Variants in ARHGAP44 observed in about 807,000 individuals in gnomAD.
The protein encoded by ARHGAP44 is Rho GTPase activating protein 44.
ARHGAP44 carries 43 observed loss-of-function variants against 106.8 expected under a neutral mutation model. The observed-to-expected ratio is 0.40, with a 90% CI of 0.32 to 0.52. The LOEUF is 0.52. ARHGAP44 is among the 20% of genes least tolerant of loss of function. The pLI is 0.48. For missense variants in ARHGAP44, 866 were observed against 1,050.5 expected, an observed-to-expected ratio of 0.82 and a Z score of 2.43; for synonymous variants, 439 against 410.3, an observed-to-expected ratio of 1.07 and a Z score of -0.85.
At position 12,952,595 on chromosome 17, in the gene ARHGAP44, T is replaced by TA. The variant is rs1255963940; in HGVS notation, c.1136+15dup. The stretch of plus-strand genomic sequence containing the variant: ...CAACAACATCCGGTAAGTGGATACT[T>TA]ACCAAGTATAGACACATGGCTTGGG... On this transcript the variant is annotated intron_variant, in intron 13 of 20. Transcript: ENST00000379672. 6.5e-7 allele frequency: 1 copy of TA among 1,549,394 alleles called. No homozygotes were observed.
At chr17:12,924,019 A>G (rs138499336) in intron 6 of ARHGAP44, among the ~76,000 whole-genome samples, 2 of 152,226 alleles carry the variant, frequency 1.3e-5, no homozygotes, top group East Asian at 1.9e-4. Context: ...CTTCTGATTT[A>G]TTTCATATTG....
intron 3 of ARHGAP44, among the ~76,000 whole-genome samples, chr17:12,901,537 C>T (rs12165054): frequency 0.048 from 7,243 of 152,030 alleles, 241 homozygotes; most frequent in Admixed American, 0.081. Flanking sequence ...GGAGAAAAAT[C>T]GGCGTCCATG....
At chr17:12,913,203 A>G (rs1175053266) in intron 4 of ARHGAP44, among the ~76,000 whole-genome samples, 1 of 152,258 alleles carries the variant, frequency 6.6e-6, no homozygotes, top group Non-Finnish European at 1.5e-5. Context: ...CAAAACTCAT[A>G]AATGTGATGT....
intron 7 of ARHGAP44, among the ~76,000 whole-genome samples, chr17:12,933,268 C>G (rs1348234827): frequency 2.0e-5 from 3 of 152,174 alleles, no homozygotes; most frequent in Non-Finnish European, 4.4e-5. Context: ...TTGTGGCAAA[C>G]CAGCCAAGTG....
rs983179404 is a variant in ARHGAP44 at position 12,990,239 on chromosome 17, C to T, written c.*68C>T. ...GCCCTAGGAACGCCGCCAGGAGCAG[C>T]GTCCATGAGCTTGCCAAGTGTTCTC... On this transcript the variant is annotated 3_prime_UTR_variant, in exon 21 of 21. Coordinates refer to ENST00000379672, the MANE Select transcript of ARHGAP44 (RefSeq NM_014859.6). The T allele has an allele frequency of 1.6e-5, 25 of 1,540,096 alleles. No homozygotes were observed. The highest frequency in any genetic ancestry group is 1.6e-5 in the Non-Finnish European group (18 of 1,133,694).
chr17:12,836,396 C>T (rs7219885), intron 1 of ARHGAP44, among the ~76,000 whole-genome samples: 29,585 of 151,824 alleles, frequency 0.19, 3,858 homozygotes, highest in African/African-American at 0.37. Context: ...ACCTGTAATC[C>T]CAGCACTTTG....
At position 12,861,644 on chromosome 17, in the gene ARHGAP44, C is replaced by CTTTTTTTTTTTTTTTTTTTTTT. The variant is rs71144930; in HGVS notation, c.54-33282_54-33281insTTTTTTTTTTTTTTTTTTTTTT. ...AATTCCTCTTCTGCCTCCTCTTCCA[C>CTTTTTTTTTTTTTTTTTTTTTT]TTTTTTTTTTTTTTGAGATGGAATC... On this transcript the variant is annotated intron_variant, in intron 1 of 20. Coordinates refer to ENST00000379672, the MANE Select transcript of ARHGAP44 (RefSeq NM_014859.6). Among the ~76,000 whole-genome samples the CTTTTTTTTTTTTTTTTTTTTTT allele has an allele frequency of 2.3e-3, 153 of 67,722 alleles. 18 individuals carry two copies. Among genetic ancestry groups the CTTTTTTTTTTTTTTTTTTTTTT allele is most frequent in the Middle Eastern group, 0.012 (1 of 86 alleles). The allele number at this position is 67,722 out of a possible 152,430, so 44.4% of individuals were successfully genotyped here. A position where few individuals can be genotyped will look rare whatever the true frequency, so the allele number is the denominator to read the frequency against.
At chr17:12,981,587 G>A (rs2039831979) in intron 19 of ARHGAP44, among the ~76,000 whole-genome samples, 1 of 151,818 alleles carries the variant, frequency 6.6e-6, no homozygotes, top group Non-Finnish European at 1.5e-5. Flanking sequence ...CAGTAGAGAT[G>A]GGGTTTCACC....
chr17:12,896,336 T>A (rs2150921090), intron 2 of ARHGAP44, 71 bp from the exon 3 acceptor site: 3 of 1,307,680 alleles, frequency 2.3e-6, no homozygotes, highest in East Asian at 5.1e-5. Context: ...GTTGTGATTG[T>A]CCACACCCAC....
intron 1 of ARHGAP44, among the ~76,000 whole-genome samples, chr17:12,861,738 G>C (rs985937765): frequency 7.0e-6 from 1 of 142,892 alleles, no homozygotes; most frequent in African/African-American, 2.5e-5. Flanking sequence ...GGGTTCAAGC[G>C]ATTCTCCTGC....
chr17:12,903,119 A>AGGG (rs1185261295), intron 3 of ARHGAP44, among the ~76,000 whole-genome samples: 3 of 81,288 alleles, frequency 3.7e-5, no homozygotes, highest in African/African-American at 1.3e-4. Flanking sequence ...AGAGAGAGAG[A>AGGG]GAGAGAGGAG....
chr17:12,889,749 A>G (rs775920623), intron 1 of ARHGAP44, among the ~76,000 whole-genome samples: 17 of 152,194 alleles, frequency 1.1e-4, no homozygotes, highest in Non-Finnish European at 2.5e-4. Context: ...TCAAGGTACA[A>G]TTCTTCCTGA....
chr17:12,913,691 A>C (rs998560609), intron 4 of ARHGAP44, among the ~76,000 whole-genome samples: 4 of 108,338 alleles, frequency 3.7e-5, no homozygotes, highest in Non-Finnish European at 3.3e-5. Context: ...AGGCAGGTGG[A>C]TTACCTGGGC....
chr17:12,919,009 A>G (rs1288580468), intron 5 of ARHGAP44, among the ~76,000 whole-genome samples: 1 of 152,242 alleles, frequency 6.6e-6, no homozygotes, highest in Non-Finnish European at 1.5e-5. Flanking sequence ...ATGTTGGTCA[A>G]AGGGTACAAA....
chr17:12,909,086 G>A (rs894862702), intron 4 of ARHGAP44, 113 bp downstream of exon 4: 99 of 852,492 alleles, frequency 1.2e-4, no homozygotes, highest in Non-Finnish European at 1.6e-4. Context: ...GGACTTTAGT[G>A]GAAAAAAGGA....
intron 1 of ARHGAP44, among the ~76,000 whole-genome samples, chr17:12,806,579 T>C (rs534256822): frequency 6.6e-6 from 1 of 152,164 alleles, no homozygotes; most frequent in African/African-American, 2.4e-5. Context: ...GAACCAATGG[T>C]AAATTACTGA....
intron 7 of ARHGAP44, among the ~76,000 whole-genome samples, chr17:12,935,056 T>C (rs1425401722): frequency 6.6e-6 from 1 of 152,144 alleles, no homozygotes; most frequent in African/African-American, 2.4e-5. Context: ...AGTCACTAAA[T>C]TTATATCGGA....
intron 1 of ARHGAP44, among the ~76,000 whole-genome samples, chr17:12,856,541 C>T (rs1006133816): frequency 6.6e-6 from 1 of 152,116 alleles, no homozygotes; most frequent in African/African-American, 2.4e-5. Flanking sequence ...TTTTGCATGC[C>T]TGTCCTCACT....
At chr17:12,817,720 G>C (rs2034637758) in intron 1 of ARHGAP44, among the ~76,000 whole-genome samples, 1 of 151,986 alleles carries the variant, frequency 6.6e-6, no homozygotes, top group South Asian at 2.1e-4. Context: ...TTGTTTAAAG[G>C]ATTAAAAAGT....
Sources: allele counts gnomAD v4.1 joint callset (sites outside exome capture counted in the v4.1 genomes callset), GRCh38; gene constraint gnomAD v4.1.1; transcripts MANE v1.5; gene names NCBI Gene and HGNC (gene_info 2026-07-23, HGNC 2026-07-21).